The following MED14 variants were observed in gnomAD, a reference collection of about 807,000 sequenced individuals.
MED14 encodes mediator of RNA polymerase II transcription subunit 14.
In MED14, 8 loss-of-function variants were observed where a neutral mutation model predicts 109.0. That is an observed-to-expected ratio of 0.07 (90% confidence interval 0.04 to 0.13). MED14 has a LOEUF of 0.13. Among genes scored for constraint, MED14 ranks in the 10% least tolerant of loss-of-function variants. The pLI is 1.00. For missense variants in MED14, 711 were observed against 1,142.4 expected, an observed-to-expected ratio of 0.62 and a Z score of 5.44; for synonymous variants, 399 against 408.7, an observed-to-expected ratio of 0.98 and a Z score of 0.29.
Position 40,686,675 on chromosome X carries a change from G to C in MED14, c.2057+1779C>G, listed in dbSNP as rs373017729. 2.8e-3 allele frequency among the ~76,000 whole-genome samples: 308 copies of C among 111,926 alleles called. 1 individual carries two copies. Among genetic ancestry groups the C allele is most frequent in the African/African-American group, 9.2e-3 (284 of 30,817 alleles). ...TACCTTCCACGGAAACAGATTCCTA[G>C]ATAACAAATGGTAAAGCCCCACTGC... On this transcript the variant is annotated intron_variant, in intron 16 of 30. Coordinates refer to ENST00000324817, the MANE Select transcript of MED14 (RefSeq NM_004229.4).
At position 40,680,150 on chromosome X, in the gene MED14, C is replaced by T. The variant is rs1301443134; in HGVS notation, c.2611-17G>A. 4 of 1,197,264 alleles carry T rather than the reference C, an allele frequency of 3.3e-6. No homozygotes were observed. On this transcript the variant is annotated splice_polypyrimidine_tract_variant and intron_variant, in intron 20 of 30. Transcript: ENST00000324817. ...AAACAGTACCTATAAGGAACAAACA[C>T]AGTGAGAGCAGCCAGTTTCTGTACA... is the stretch of plus-strand genomic sequence containing the variant.
chrX:40,715,008 A>C, intron 3 of MED14: 1 of 201,918 alleles, frequency 5.0e-6, no homozygotes, highest in Non-Finnish European at 9.0e-6. Flanking sequence ...GTAGAATAAA[A>C]TGGTTTTTTC....
chrX:40,656,878 A>G (rs1467451777), intron 28 of MED14, among the ~76,000 whole-genome samples: 2 of 112,299 alleles, frequency 1.8e-5, no homozygotes, highest in Non-Finnish European at 3.8e-5. Flanking sequence ...CTGGGGGTGG[A>G]AAGGCATCTT....
intron 22 of MED14, among the ~76,000 whole-genome samples, chrX:40,672,420 T>C (rs1929762480): frequency 8.9e-6 from 1 of 112,238 alleles, no homozygotes; most frequent in South Asian, 3.6e-4. Context: ...CTGATGCATC[T>C]TACATTTGGT....
rs1467945724 is a variant in MED14 at position 40,666,766 on chromosome X, C to A, written c.3219G>T (p.Ser1073=). 7 of 1,205,508 alleles carry A rather than the reference C, an allele frequency of 5.8e-6. No individual in the cohort carries two copies. The East Asian group carries it at 8.9e-5, about 15-fold the overall frequency. ...CCCCTGGTCCTATTGAGATTCCATG[C>A]GAGGATGGGGGAGGAGTTGGAACAA... ...ASFVPTPPPS[S]HGISIGPGAS... The change falls in exon 24 of 31, where the codon TCG becomes TCT. Residue 1073 remains serine, a synonymous_variant. Transcript: ENST00000324817.
At chrX:40,686,817 G>T (rs748276601) in intron 16 of MED14, among the ~76,000 whole-genome samples, 1 of 111,767 alleles carries the variant, frequency 8.9e-6, no homozygotes, top group African/African-American at 3.2e-5. Context: ...CCCCTCCTTT[G>T]CAAAGAAACC....
chrX:40,729,466 C>CATGAGCCTGTAGTAGCTGTT, intron 1 of MED14, 121 bp from the exon 2 acceptor site: 2 of 651,801 alleles, frequency 3.1e-6, no homozygotes, highest in Non-Finnish European at 4.5e-6. Flanking sequence ...TAAACAGCTA[C>CATGAGCCTGTAGTAGCTGTT]TACAGGCTCA....
At chrX:40,713,936 T>C in intron 4 of MED14, 29 bp from the exon 5 acceptor site, 1 of 1,190,390 alleles carries the variant, frequency 8.4e-7, no homozygotes, top group Non-Finnish European at 1.1e-6. Context: ...GATTTTTAAA[T>C]AATGTACAAA....
chrX:40,675,790 C>A (rs1312010384), intron 21 of MED14, among the ~76,000 whole-genome samples: 1 of 111,850 alleles, frequency 8.9e-6, no homozygotes, highest in Admixed American at 9.5e-5. Context: ...GAGTAAGAAA[C>A]GATCCAATTT....
chrX:40,663,675 T>C, intron 25 of MED14, among the ~76,000 whole-genome samples: 1 of 112,748 alleles, frequency 8.9e-6, no homozygotes. Flanking sequence ...ATCACTCAGC[T>C]GTGCTTAGTC....
At chrX:40,715,957 T>C (rs2146719749) in intron 3 of MED14, among the ~76,000 whole-genome samples, 1 of 110,425 alleles carries the variant, frequency 9.1e-6, no homozygotes, top group South Asian at 3.8e-4. Flanking sequence ...TGACAAGGGA[T>C]TAATATCCAG....
chrX:40,663,280 CTTGT>C, intron 25 of MED14, 120 bp from the exon 26 acceptor site: 7 of 570,158 alleles, frequency 1.2e-5, no homozygotes, highest in African/African-American at 2.3e-5. Context: ...TTAGTTACTC[CTTGT>C]GGTGTAACAA....
chrX:40,668,040 A>G (rs912159919), intron 23 of MED14, among the ~76,000 whole-genome samples: 1 of 111,458 alleles, frequency 9.0e-6, no homozygotes, highest in African/African-American at 3.3e-5. Context: ...TGAGTTGCAG[A>G]TATCTACCAG....
chrX:40,724,948 A>C (rs1931846695), intron 3 of MED14, among the ~76,000 whole-genome samples: 1 of 111,768 alleles, frequency 8.9e-6, no homozygotes, highest in Non-Finnish European at 1.9e-5. Context: ...GAGAAGACCC[A>C]AATGAATAAA....
At chrX:40,731,617 TAC>T (rs1425200790) in intron 1 of MED14, among the ~76,000 whole-genome samples, 2 of 112,555 alleles carry the variant, frequency 1.8e-5, no homozygotes, top group Admixed American at 9.4e-5. Flanking sequence ...ATTAAGCATG[TAC>T]AGTTTCACAG....
intron 20 of MED14, 62 bp downstream of exon 20, chrX:40,680,696 G>A: frequency 9.9e-7 from 1 of 1,012,219 alleles, no homozygotes; most frequent in East Asian, 3.1e-5. Flanking sequence ...GGGATTACAG[G>A]TGTGAACCAG....
chrX:40,656,987 G>C (rs755221693), intron 28 of MED14, among the ~76,000 whole-genome samples: 1 of 111,098 alleles, frequency 9.0e-6, no homozygotes, highest in Non-Finnish European at 1.9e-5. Flanking sequence ...TTCTGGGTTC[G>C]AGCGATTCTC....
chrX:40,667,731 G>T lies in MED14; in HGVS notation c.3134-880C>A, dbSNP rs1929552343. On this transcript the variant is annotated intron_variant, in intron 23 of 30. Transcript: ENST00000324817. ...GACTATAGAGCAAGGGTAGGGGTAG[G>T]GACAGGAAAACCAGTTAGAAACAAC... Among the ~76,000 whole-genome samples, 5 of 112,275 alleles carry T rather than the reference G, an allele frequency of 4.5e-5. No individual in the cohort carries two copies. In the South Asian group the frequency reaches 1.8e-3, roughly 41 times the overall value.
At chrX:40,714,150 A>T (rs1170813368) in intron 4 of MED14, among the ~76,000 whole-genome samples, 2 of 111,901 alleles carry the variant, frequency 1.8e-5, no homozygotes, top group Non-Finnish European at 3.8e-5. Context: ...TAAACCAACT[A>T]AATATCACTT....
Sources: allele counts gnomAD v4.1 joint callset (sites outside exome capture counted in the v4.1 genomes callset), GRCh38; gene constraint gnomAD v4.1.1; transcripts MANE v1.5; gene names NCBI Gene and HGNC (gene_info 2026-07-23, HGNC 2026-07-21).